APBA1: variants seen among roughly 807,000 people sequenced by gnomAD.
APBA1 encodes the protein amyloid-beta A4 precursor protein-binding family A member 1.
Under a neutral mutation model 86.6 loss-of-function variants are expected in APBA1, and 55 were observed. The ratio of observed to expected loss-of-function variants is 0.64; its 90% CI spans 0.51 to 0.80. The LOEUF (loss-of-function observed/expected upper bound fraction) is 0.80. APBA1 is among the 30% of genes least tolerant of loss of function. The pLI, the probability that APBA1 is intolerant of heterozygous loss-of-function variation, is 0.00. For missense variants in APBA1, 1,090 were observed against 1,183.0 expected (o/e 0.92, Z 1.15); for synonymous variants, 511 against 493.9 (o/e 1.03, Z -0.46).
In APBA1 at chr9:69,587,655, T is replaced by G. The variant is rs542800151; in HGVS notation, c.-69-70376A>C. On this transcript the variant is annotated intron_variant, in intron 1 of 12. Coordinates refer to ENST00000265381, the MANE Select transcript of APBA1 (RefSeq NM_001163.4). ...CAAGCCCTCTCCAAAAAACATCCAA[T>G]AAGATTCTCCAGTACTTCCCCACGA... Among the ~76,000 whole-genome samples the G allele has an allele frequency of 3.9e-5, 6 of 152,190 alleles. No individual in the cohort carries two copies. In the East Asian group the frequency reaches 1.2e-3, roughly 29 times the overall value.
At chr9:69,669,810 A>C (rs4744928) in intron 1 of APBA1, among the ~76,000 whole-genome samples, 98,930 of 152,112 alleles carry the variant, frequency 0.65, 35,057 homozygotes, top group East Asian at 0.97. Flanking sequence ...TCACATTTAC[A>C]TTAGAAAAGA....
At chr9:69,549,702 G>A (rs1836755238) in intron 1 of APBA1, among the ~76,000 whole-genome samples, 1 of 152,190 alleles carries the variant, frequency 6.6e-6, no homozygotes, top group South Asian at 2.1e-4. Context: ...GTTATAAAGT[G>A]TCCGAGGAAG....
At chr9:69,560,620 A>C (rs1836932977) in intron 1 of APBA1, among the ~76,000 whole-genome samples, 1 of 152,224 alleles carries the variant, frequency 6.6e-6, no homozygotes, top group Non-Finnish European at 1.5e-5. Flanking sequence ...GTACTTCATT[A>C]AGCACTTATC....
chr9:69,459,469 G>A (rs549254903), intron 5 of APBA1, among the ~76,000 whole-genome samples: 1 of 152,320 alleles, frequency 6.6e-6, no homozygotes, highest in East Asian at 1.9e-4. Context: ...GTTATAAGGT[G>A]CACACACAGG....
intron 10 of APBA1, 130 bp from the exon 11 acceptor site, chr9:69,441,245 A>C: frequency 8.7e-7 from 1 of 1,149,350 alleles, no homozygotes; most frequent in East Asian, 2.5e-5. Flanking sequence ...GCTTGCCTGC[A>C]GGCCTCTGGT....
intron 1 of APBA1, among the ~76,000 whole-genome samples, chr9:69,547,964 G>A (rs1354391601): frequency 1.3e-5 from 2 of 152,198 alleles, no homozygotes; most frequent in East Asian, 3.8e-4. Flanking sequence ...ATTACAAAGG[G>A]ATTTTGTAGA....
At chr9:69,499,662 G>C (rs1359547639) in intron 2 of APBA1, among the ~76,000 whole-genome samples, 1 of 108,412 alleles carries the variant, frequency 9.2e-6, no homozygotes, top group African/African-American at 3.2e-5. Context: ...TCCTAGCAAC[G>C]GTCCAAAAAA....
intron 2 of APBA1, among the ~76,000 whole-genome samples, chr9:69,488,496 T>A (rs1436849856): frequency 6.6e-6 from 1 of 152,172 alleles, no homozygotes; most frequent in Non-Finnish European, 1.5e-5. Flanking sequence ...AAGTTCTAAC[T>A]GAATCACTTC....
At position 69,428,632 on chromosome 9, in the gene APBA1, G is replaced by T. The variant is rs1231369790; in HGVS notation, c.*2695C>A. 1 of 152,120 alleles carries T rather than the reference G, an allele frequency of 6.6e-6. No individual in the cohort carries two copies. The highest frequency in any genetic ancestry group is 6.5e-5 in the Admixed American group (1 of 15,274). 9.4% of individuals were successfully genotyped at this position (152,120 alleles called of 1,614,324 possible). A position where few individuals can be genotyped will look rare whatever the true frequency, so the allele number is the denominator to read the frequency against. On this transcript the variant is annotated 3_prime_UTR_variant, in exon 13 of 13. Coordinates refer to ENST00000265381, the MANE Select transcript of APBA1 (RefSeq NM_001163.4). ...TGTACATAGCCTTCCCATTACATGG[G>T]GTATTTAGATATTTACATGTATAAC... is the stretch of plus-strand genomic sequence containing the variant.
chr9:69,497,600 ATTCTTT>A (rs1303876403), intron 2 of APBA1, among the ~76,000 whole-genome samples: 1 of 152,062 alleles, frequency 6.6e-6, no homozygotes, highest in East Asian at 1.9e-4. Flanking sequence ...TTTACAGCAA[ATTCTTT>A]TGACAATGGC....
intron 1 of APBA1, among the ~76,000 whole-genome samples, chr9:69,539,429 A>G (rs1836563350): frequency 6.6e-6 from 1 of 152,154 alleles, no homozygotes; most frequent in Non-Finnish European, 1.5e-5. Context: ...CATACCCTAT[A>G]TCAAGTCTGT....
Position 69,542,861 on chromosome 9 carries a change from C to T in APBA1, c.-69-25582G>A, listed in dbSNP as rs74381017. Among the ~76,000 whole-genome samples the T allele has an allele frequency of 3.5e-3, 532 of 152,256 alleles. 1 individual carries two copies. The highest frequency in any genetic ancestry group is 0.012 in the African/African-American group (497 of 41,526). On this transcript the variant is annotated intron_variant, in intron 1 of 12. Transcript: ENST00000265381. ...ACAGTATTTCACCCTAGTTGTATTT[C>T]GTTGAACCAAATCAAAATGAATCAC...
chr9:69,665,427 T>A (rs1823825109), intron 1 of APBA1, among the ~76,000 whole-genome samples: 1 of 152,234 alleles, frequency 6.6e-6, no homozygotes, highest in Admixed American at 6.5e-5. Flanking sequence ...GGCAATTCTG[T>A]GTCCTGTTTG....
intron 1 of APBA1, among the ~76,000 whole-genome samples, chr9:69,551,200 A>G (rs1836778971): frequency 6.6e-6 from 1 of 152,222 alleles, no homozygotes; most frequent in African/African-American, 2.4e-5. Flanking sequence ...TAACACTGCT[A>G]TACATTGTCA....
In APBA1 at chr9:69,505,645, A is replaced by G. The variant is rs967053041; in HGVS notation, c.1200+10366T>C. Among the ~76,000 whole-genome samples, 7 of 152,042 alleles carry G rather than the reference A, an allele frequency of 4.6e-5. No individual in the cohort carries two copies. The East Asian group carries it at 1.2e-3, about 25-fold the overall frequency. Reference sequence around the variant, plus strand: ...TTACACTGTGTGCTTGCTAACATCAATCTCCCTGAGTCTACTGTGACTCTG... The same window carrying G: ...TTACACTGTGTGCTTGCTAACATCAGTCTCCCTGAGTCTACTGTGACTCTG... On this transcript the variant is annotated intron_variant, in intron 2 of 12. Transcript: ENST00000265381.
intron 2 of APBA1, among the ~76,000 whole-genome samples, chr9:69,495,850 C>T (rs549571648): frequency 5.5e-4 from 83 of 152,092 alleles, no homozygotes; most frequent in African/African-American, 1.9e-3. Flanking sequence ...GCATGTGGTG[C>T]GAGCCTGGAG....
chr9:69,538,877 C>T (rs7854816), intron 1 of APBA1, among the ~76,000 whole-genome samples: 5 of 152,208 alleles, frequency 3.3e-5, no homozygotes, highest in African/African-American at 1.2e-4. Context: ...GGCTCCCATC[C>T]CTTCTGCTCC....
intron 1 of APBA1, among the ~76,000 whole-genome samples, chr9:69,519,134 GT>G (rs1401810738): frequency 1.3e-5 from 2 of 152,220 alleles, no homozygotes; most frequent in Admixed American, 1.3e-4. Context: ...GTATAAGAAA[GT>G]CTCCAAAAGC....
chr9:69,461,802 T>C (rs756227857), intron 5 of APBA1: 2 of 152,176 alleles, frequency 1.3e-5, no homozygotes, highest in Non-Finnish European at 2.9e-5. Context: ...CATTTGTCTA[T>C]ACCATGGGGT....
Sources: gnomAD v4.1 joint callset for allele counts (sites outside exome capture counted in the v4.1 genomes callset) on GRCh38, gnomAD v4.1.1 for gene constraint, MANE v1.5 for transcripts, NCBI Gene and HGNC (gene_info 2026-07-23, HGNC 2026-07-21) for gene names.